HNRNPD: variants seen among roughly 807,000 people sequenced by gnomAD.
HNRNPD encodes the protein heterogeneous nuclear ribonucleoprotein D0.
In HNRNPD, 3 loss-of-function variants were observed where a neutral mutation model predicts 47.9. The ratio of observed to expected loss-of-function variants is 0.06; its 90% CI spans 0.03 to 0.16. The LOEUF is 0.16. HNRNPD is among the 10% of genes least tolerant of loss of function. HNRNPD has a pLI of 1.00. For synonymous variants in HNRNPD, 171 were observed against 165.1 expected, an observed-to-expected ratio of 1.04 and a Z score of -0.28; for missense variants, 287 against 454.2, an observed-to-expected ratio of 0.63 and a Z score of 3.35.
rs1013545513 is a variant in HNRNPD at position 82,373,802 on chromosome 4, G to A, written c.-124C>T. ...TCTACCTCGCGAAGCACACAAGACA[G>A]GGAAGGCGCGCGCGTGGCTGCAAAG... On this transcript the variant is annotated 5_prime_UTR_variant, in exon 1 of 9. Transcript: ENST00000313899. 10 of 1,504,018 alleles carry A rather than the reference G, an allele frequency of 6.6e-6. No homozygotes were observed. The South Asian group carries it at 8.5e-5, about 13-fold the overall frequency. The allele number at this position is 1,504,018 out of a possible 1,614,324, so 93.2% of individuals were successfully genotyped here.
chr4:82,355,304 C>T lies in HNRNPD; in HGVS notation c.*30G>A. On this transcript the variant is annotated splice_region_variant and 3_prime_UTR_variant, in exon 8 of 9. Coordinates refer to ENST00000313899, the MANE Select transcript of HNRNPD (RefSeq NM_031370.3). The stretch of plus-strand genomic sequence containing the variant: ...AAAAAAAACTATTTTTAGAACATAC[C>T]TGTTGGGGATAAGTTGCAAATGGAA... The T allele has an allele frequency of 2.0e-6, 3 of 1,531,086 alleles. No homozygotes were observed. The South Asian group carries it at 3.4e-5, about 17-fold the overall frequency. The allele number at this position is 1,531,086 out of a possible 1,614,324, so 94.8% of individuals were successfully genotyped here.
rs1720289876 is a variant in HNRNPD at position 82,373,927 on chromosome 4, C to T, written c.-249G>A. ...TGCACTAAAAAAGAATAAGCACCAG[C>T]GGCGGCCGCTCTCGCCTCCTCCTCG... is the stretch of plus-strand genomic sequence containing the variant. On this transcript the variant is annotated 5_prime_UTR_variant, in exon 1 of 9. Coordinates refer to ENST00000313899, the MANE Select transcript of HNRNPD (RefSeq NM_031370.3). The T allele has an allele frequency of 6.5e-6, 6 of 920,044 alleles. No homozygotes were observed. Among genetic ancestry groups the T allele is most frequent in the Non-Finnish European group, 7.6e-6 (5 of 657,268 alleles). 57.0% of individuals were successfully genotyped at this position (920,044 alleles called of 1,614,324 possible).
chr4:82,362,378 G>A (rs904643965), intron 2 of HNRNPD, among the ~76,000 whole-genome samples: 3 of 151,910 alleles, frequency 2.0e-5, no homozygotes, highest in Admixed American at 6.6e-5. Context: ...TAAGTGGCTC[G>A]TCTTTGAGAC....
chr4:82,365,119 T>A (rs574005534), intron 2 of HNRNPD, among the ~76,000 whole-genome samples: 1 of 152,276 alleles, frequency 6.6e-6, no homozygotes, highest in East Asian at 1.9e-4. Context: ...ACAGAACTCC[T>A]GGACATAGCG....
chr4:82,364,925 A>G (rs1317357421), intron 2 of HNRNPD, among the ~76,000 whole-genome samples: 1 of 152,208 alleles, frequency 6.6e-6, no homozygotes, highest in Non-Finnish European at 1.5e-5. Context: ...AGTCAATATT[A>G]ACTATTTTAT....
chr4:82,363,687 T>C (rs1454889946), intron 2 of HNRNPD, among the ~76,000 whole-genome samples: 1 of 152,190 alleles, frequency 6.6e-6, no homozygotes. Context: ...ATTAACATAG[T>C]TGAGTATCTT....
chr4:82,363,133 A>G (rs1333062958), intron 2 of HNRNPD, among the ~76,000 whole-genome samples: 4 of 150,698 alleles, frequency 2.7e-5, no homozygotes, highest in Admixed American at 1.3e-4. Flanking sequence ...CTGGAGTGCA[A>G]TGGCATGATC....
Position 82,355,227 on chromosome 4 carries a change from A to G in HNRNPD, c.*30+77T>C, listed in dbSNP as rs960324595. On this transcript the variant is annotated intron_variant, in intron 8 of 8. Coordinates refer to ENST00000313899, the MANE Select transcript of HNRNPD (RefSeq NM_031370.3). ...TGGGTGCTGTGAAACTCTTAAATTA[A>G]GCATTGTTTTATGAACAATATAGAT... 11 of 800,072 alleles carry G rather than the reference A, an allele frequency of 1.4e-5. No homozygotes were observed. The African/African-American group carries it at 1.8e-4, about 13-fold the overall frequency. 49.6% of individuals were successfully genotyped at this position (800,072 alleles called of 1,614,324 possible). A position where few individuals can be genotyped will look rare whatever the true frequency, so the allele number is the denominator to read the frequency against.
chr4:82,358,391 A>G, intron 4 of HNRNPD: 1 of 318,318 alleles, frequency 3.1e-6, no homozygotes, highest in Non-Finnish European at 5.6e-6. Context: ...CTTCCTCTTA[A>G]TTGTCTGTAT....
rs1271183344 is a variant in HNRNPD at position 82,359,485 on chromosome 4, C to T, written c.445G>A (p.Glu149Lys). 6.3e-7 allele frequency: 1 copy of T among 1,583,422 alleles called. No homozygotes were observed. The highest frequency in any genetic ancestry group is 1.3e-5 in the African/African-American group (1 of 74,494). ...TAACACACTACCTTATCTACACTCT[C>T]CGATTCTTTAAATAGCACAAAGCCA... Reference protein sequence around the residue: ...GFGFVLFKESESVDKVMDQKE... With the variant: ...GFGFVLFKESKSVDKVMDQKE... Residue 149 changes from glutamate (E) to lysine (K), a missense_variant, in exon 3 of 9, where the codon GAG (glutamate) becomes AAG (lysine). Around this residue, in one of 5 missense-constraint regions of HNRNPD, gnomAD observed 22 missense variants for 74.6 expected, o/e 0.30. Coordinates refer to ENST00000313899, the MANE Select transcript of HNRNPD (RefSeq NM_031370.3).
In HNRNPD at chr4:82,353,330, A is replaced by C. The variant is rs11074; in HGVS notation, c.*855T>G. On this transcript the variant is annotated 3_prime_UTR_variant, in exon 9 of 9. Coordinates refer to ENST00000313899, the MANE Select transcript of HNRNPD (RefSeq NM_031370.3). ...CAAACAAATAAGCACACACACATAA[A>C]CACGGTATATATTTCTTTAATCCTC... The C allele has an allele frequency of 6.6e-6, 1 of 152,166 alleles. No individual in the cohort carries two copies. The highest frequency in any genetic ancestry group is 1.5e-5 in the Non-Finnish European group (1 of 68,022). The allele number at this position is 152,166 out of a possible 1,614,324, so 9.4% of individuals were successfully genotyped here.
chr4:82,373,947 T>TC lies in HNRNPD; in HGVS notation c.-270dup. ...ACCAGCGGCGGCCGCTCTCGCCTCCTCCTCGCTTTAATGGCGCCGCCGCGG... is the reference window on the plus strand; with the variant it reads ...ACCAGCGGCGGCCGCTCTCGCCTCCTCCCTCGCTTTAATGGCGCCGCCGCGG... On this transcript the variant is annotated 5_prime_UTR_variant, in exon 1 of 9. Transcript: ENST00000313899. The TC allele has an allele frequency of 1.3e-6, 1 of 746,188 alleles. No individual in the cohort carries two copies. The highest frequency in any genetic ancestry group is 3.9e-5 in the Admixed American group (1 of 25,728). The allele number at this position is 746,188 out of a possible 1,614,324, so 46.2% of individuals were successfully genotyped here.
chr4:82,373,074 A>G (rs1483377651), intron 1 of HNRNPD: 4 of 478,062 alleles, frequency 8.4e-6, no homozygotes, highest in African/African-American at 3.9e-5. Context: ...CCAAGACTGT[A>G]GAAAAAGGGA....
At chr4:82,373,300 A>T in intron 1 of HNRNPD, 146 bp downstream of exon 1, 1 of 1,100,140 alleles carries the variant, frequency 9.1e-7, no homozygotes, top group Non-Finnish European at 1.3e-6. Context: ...GGGGAACCCA[A>T]CATAGAAAAA....
chr4:82,353,402 T>C lies in HNRNPD; in HGVS notation c.*783A>G, dbSNP rs1001980004. On this transcript the variant is annotated 3_prime_UTR_variant, in exon 9 of 9. Coordinates refer to ENST00000313899, the MANE Select transcript of HNRNPD (RefSeq NM_031370.3). ...ATGAAGTCCACCACAGCTCTAAAAA[T>C]CTCTCTGAACTAGCCGCATTTCTAT... is the stretch of plus-strand genomic sequence containing the variant. The C allele has an allele frequency of 6.6e-6, 1 of 152,240 alleles. No individual in the cohort carries two copies. Among genetic ancestry groups the C allele is most frequent in the Admixed American group, 6.5e-5 (1 of 15,290 alleles). 9.4% of individuals were successfully genotyped at this position (152,240 alleles called of 1,614,324 possible).
intron 2 of HNRNPD, among the ~76,000 whole-genome samples, chr4:82,361,388 T>C (rs1373663267): frequency 1.3e-5 from 2 of 152,238 alleles, no homozygotes; most frequent in East Asian, 1.9e-4. Context: ...CTTGCTAAGA[T>C]GACCATAAGT....
chr4:82,356,950 A>AT, intron 5 of HNRNPD, 55 bp from the exon 6 acceptor site: 2 of 1,440,234 alleles, frequency 1.4e-6, no homozygotes, highest in Non-Finnish European at 2.0e-6. Flanking sequence ...AAGTTGCTAA[A>AT]TAAGTTTCTA....
rs1355996472 is a variant in HNRNPD at position 82,356,801 on chromosome 4, C to A, written c.848G>T (p.Gly283Val). ...AAACTTAGGCTCTAGCTTACCACCA[C>A]CTCTTCCACGAGCTCTTCCTGCAAA... is the stretch of plus-strand genomic sequence containing the variant. ...GGFAGRARGR[G>V]GGPSQNWNQG... Residue 283 changes from glycine (G) to valine (V), a missense_variant, in exon 6 of 9, where the codon GGT becomes GTT. Gly to Val is a moderately radical substitution (Grantham distance 109). Coordinates refer to ENST00000313899, the MANE Select transcript of HNRNPD (RefSeq NM_031370.3). The A allele has an allele frequency of 1.9e-6, 3 of 1,613,784 alleles. No homozygotes were observed. Among genetic ancestry groups the A allele is most frequent in the Non-Finnish European group, 2.5e-6 (3 of 1,179,798 alleles).
chr4:82,357,673 C>T (rs559659159), intron 4 of HNRNPD: 151 of 344,770 alleles, frequency 4.4e-4, no homozygotes, highest in African/African-American at 2.7e-3. Context: ...CTTTACCACG[C>T]ACTGACATTT....
Sources: gnomAD v4.1 joint callset for allele counts (sites outside exome capture counted in the v4.1 genomes callset) on GRCh38, gnomAD v4.1.1 for gene constraint, gnomAD v4.1.1 regional missense constraint, MANE v1.5 for transcripts, NCBI Gene and HGNC (gene_info 2026-07-23, HGNC 2026-07-21) for gene names.